The following TMEM183A variants were observed in gnomAD, a reference collection of about 807,000 sequenced individuals.
The protein encoded by TMEM183A is transmembrane protein 183A, also known as chromosome 1 open reading frame 37.
A neutral mutation model predicts 46.7 loss-of-function variants in TMEM183A; 21 were observed. That is an observed-to-expected ratio of 0.45 (90% CI 0.32 to 0.65). The LOEUF (loss-of-function observed/expected upper bound fraction) is 0.65, where lower values mean the gene tolerates loss of function less well. Among genes scored for constraint, TMEM183A ranks in the 30% least tolerant of loss-of-function variants. The probability of loss-of-function intolerance (pLI) is 0.04; values close to 1 mark genes in which losing one functional copy is unlikely to be tolerated. For synonymous variants in TMEM183A, 165 were observed against 180.2 expected (o/e 0.92, Z 0.68); for missense variants, 331 against 481.9 (o/e 0.69, Z 2.93).
intron 3 of TMEM183A, 149 bp from the exon 4 acceptor site, chr1:203,014,740 G>A: frequency 1.7e-6 from 2 of 1,205,172 alleles, no homozygotes; most frequent in Non-Finnish European, 2.2e-6. Flanking sequence ...CAGCTAGGAT[G>A]AGCAGGAAAT....
Position 203,007,391 on chromosome 1 carries a change from C to T in TMEM183A, c.-75C>T, listed in dbSNP as rs757829979. 13 of 1,295,986 alleles carry T rather than the reference C, an allele frequency of 1.0e-5. No individual in the cohort carries two copies. Among genetic ancestry groups the T allele is most frequent in the African/African-American group, 1.6e-5 (1 of 64,280 alleles). 80.3% of individuals were successfully genotyped at this position (1,295,986 alleles called of 1,614,324 possible). A position where few individuals can be genotyped will look rare whatever the true frequency, so the allele number is the denominator to read the frequency against. On this transcript the variant is annotated 5_prime_UTR_variant, in exon 1 of 8. Transcript: ENST00000367242. Reference sequence around the variant, plus strand: ...CCTATGTTCTCGCGAGAGTTAGCGGCCTCCGGTGTGGGATGGCCGCGGAGC... The same window carrying T: ...CCTATGTTCTCGCGAGAGTTAGCGGTCTCCGGTGTGGGATGGCCGCGGAGC...
intron 7 of TMEM183A, among the ~76,000 whole-genome samples, chr1:203,021,591 T>C (rs752220924): frequency 2.6e-5 from 4 of 152,212 alleles, no homozygotes; most frequent in Non-Finnish European, 4.4e-5. Flanking sequence ...TGATGAGATA[T>C]ATACATGGGC....
At chr1:203,016,186 G>T in intron 5 of TMEM183A, 46 bp downstream of exon 5, 3 of 1,612,100 alleles carry the variant, frequency 1.9e-6, no homozygotes, top group Non-Finnish European at 2.5e-6. Flanking sequence ...ACTCTTGTAT[G>T]GTAGGCCTGT....
intron 3 of TMEM183A, among the ~76,000 whole-genome samples, chr1:203,012,209 T>C (rs1656700501): frequency 1.1e-5 from 1 of 87,912 alleles, no homozygotes; most frequent in African/African-American, 4.3e-5. Flanking sequence ...CGGCCATTTT[T>C]ACTTCAACCA....
intron 4 of TMEM183A, 126 bp downstream of exon 4, chr1:203,015,174 G>T: frequency 7.5e-7 from 1 of 1,335,530 alleles, no homozygotes; most frequent in East Asian, 2.5e-5. Flanking sequence ...GCATGACCCA[G>T]CTTTGGACTC....
At chr1:203,015,768 G>T (rs902022446) in intron 4 of TMEM183A, 192 bp from the exon 5 acceptor site, 5 of 642,016 alleles carry the variant, frequency 7.8e-6, no homozygotes, top group Non-Finnish European at 1.0e-5. Flanking sequence ...TTTAAAAATG[G>T]ATGGAGAACT....
rs2102526433 is a variant in TMEM183A at position 203,007,771 on chromosome 1, C to T, written c.110-3C>T. The T allele has an allele frequency of 1.2e-6, 2 of 1,613,966 alleles. No individual in the cohort carries two copies. The highest frequency in any genetic ancestry group is 2.2e-5 in the East Asian group (1 of 44,878). On this transcript the variant is annotated splice_polypyrimidine_tract_variant and splice_region_variant and intron_variant, in intron 1 of 7. Coordinates refer to ENST00000367242, the MANE Select transcript of TMEM183A (RefSeq NM_138391.6). The stretch of plus-strand genomic sequence containing the variant: ...TTCCTTGAGGGTTGGTGCTGTGTTG[C>T]AGTGACCGTGGCGGATTACGCCAAC...
chr1:203,019,368 G>GAGAA (rs1305368026), intron 6 of TMEM183A, among the ~76,000 whole-genome samples: 1 of 152,144 alleles, frequency 6.6e-6, no homozygotes, highest in Non-Finnish European at 1.5e-5. Context: ...TCCTGGATAA[G>GAGAA]AGAACAAAGC....
chr1:203,012,278 C>CACACACACACACACACACACACACACA, intron 3 of TMEM183A, among the ~76,000 whole-genome samples: 1 of 147,274 alleles, frequency 6.8e-6, no homozygotes, highest in Non-Finnish European at 1.5e-5. Flanking sequence ...CACACACACA[C>CACACACACACACACACACACACACACA]GGTTATTTTG....
intron 7 of TMEM183A, among the ~76,000 whole-genome samples, chr1:203,021,488 C>T (rs1305136336): frequency 1.3e-5 from 2 of 152,024 alleles, no homozygotes; most frequent in Non-Finnish European, 2.9e-5. Flanking sequence ...GAGTATTTTA[C>T]CTTGTTTCCT....
At chr1:203,015,260 C>A (rs1443810481) in intron 4 of TMEM183A, 1 of 669,490 alleles carries the variant, frequency 1.5e-6, no homozygotes, top group Non-Finnish European at 2.4e-6. Context: ...TGCCTCCTTC[C>A]CCACTCCAGT....
intron 5 of TMEM183A, chr1:203,017,832 A>G (rs1043137277): frequency 1.0e-6 from 1 of 985,790 alleles, no homozygotes; most frequent in Non-Finnish European, 1.2e-6. Flanking sequence ...AAGCCCATTA[A>G]TTTTGATGGA....
intron 3 of TMEM183A, among the ~76,000 whole-genome samples, chr1:203,014,677 G>A (rs73091382): frequency 0.017 from 2,658 of 152,082 alleles, 74 homozygotes; most frequent in African/African-American, 0.062. Flanking sequence ...GTTAAATAAA[G>A]GCCTTAAGAA....
intron 3 of TMEM183A, among the ~76,000 whole-genome samples, chr1:203,009,543 A>G (rs1403772323): frequency 1.3e-5 from 2 of 152,146 alleles, no homozygotes; most frequent in African/African-American, 4.8e-5. Context: ...GTGTAGTGGA[A>G]AGATCATGGC....
At chr1:203,011,403 CTTA>C (rs1429161387) in intron 3 of TMEM183A, among the ~76,000 whole-genome samples, 1 of 151,926 alleles carries the variant, frequency 6.6e-6, no homozygotes, top group Non-Finnish European at 1.5e-5. Context: ...TTATCTTCTT[CTTA>C]TTATTTTTTT....
intron 5 of TMEM183A, 86 bp downstream of exon 5, chr1:203,016,226 G>T: frequency 6.3e-7 from 1 of 1,589,114 alleles, no homozygotes; most frequent in South Asian, 1.1e-5. Context: ...CTTCCTTGAT[G>T]GGGAGGGGTG....
chr1:203,015,836 A>T, intron 4 of TMEM183A, 124 bp from the exon 5 acceptor site: 1 of 1,223,886 alleles, frequency 8.2e-7, no homozygotes, highest in African/African-American at 1.5e-5. Flanking sequence ...CACTGGGGAC[A>T]GGCTATCTAC....
chr1:203,007,559 G>T lies in TMEM183A; in HGVS notation c.94G>T (p.Ala32Ser). Residue 32 changes from alanine to serine, a missense_variant, in exon 1 of 8, where the codon GCC becomes TCC. By Grantham distance (99) the Ala-to-Ser change is moderately conservative. Transcript: ENST00000367242. ...GKRLKFRAHD[A>S]CSGRVTVADY... is the part of the protein sequence containing the mutation. Reference sequence around the variant, plus strand: ...GCGACTCAAGTTCCGGGCCCACGACGCCTGCTCCGGCCGAGGTGGGCGAGG... The same window carrying T: ...GCGACTCAAGTTCCGGGCCCACGACTCCTGCTCCGGCCGAGGTGGGCGAGG... 3.2e-6 allele frequency: 5 copies of T among 1,547,656 alleles called. No homozygotes were observed. Among genetic ancestry groups the T allele is most frequent in the Non-Finnish European group, 4.3e-6 (5 of 1,152,504 alleles).
intron 6 of TMEM183A, among the ~76,000 whole-genome samples, chr1:203,019,596 C>G (rs1219965205): frequency 1.3e-5 from 2 of 152,024 alleles, no homozygotes; most frequent in East Asian, 3.9e-4. Flanking sequence ...CTTAAGTCAC[C>G]TTTACTTTGT....
Sources: gnomAD v4.1 joint callset for allele counts (sites outside exome capture counted in the v4.1 genomes callset) on GRCh38, gnomAD v4.1.1 for gene constraint, MANE v1.5 for transcripts, NCBI Gene and HGNC (gene_info 2026-07-23, HGNC 2026-07-21) for gene names.